The following CTNNA2 variants were observed in gnomAD, a reference collection of about 807,000 sequenced individuals.
CTNNA2 encodes catenin alpha-2.
Under a neutral mutation model 101.0 loss-of-function variants are expected in CTNNA2, and 42 were observed. That is an observed-to-expected ratio of 0.42 (90% CI 0.32 to 0.54). The LOEUF (loss-of-function observed/expected upper bound fraction) is 0.54. Among genes scored for constraint, CTNNA2 ranks in the 20% least tolerant of loss-of-function variants. The pLI, the probability that CTNNA2 is intolerant of heterozygous loss-of-function variation, is 0.14. For synonymous variants in CTNNA2, 450 were observed against 456.4 expected, an observed-to-expected ratio of 0.99 and a Z score of 0.18; for missense variants, 871 against 1,223.1, an observed-to-expected ratio of 0.71 and a Z score of 4.29.
chr2:79,732,380 A>G (rs1273825261), intron 2 of CTNNA2, among the ~76,000 whole-genome samples: 6 of 152,222 alleles, frequency 3.9e-5, no homozygotes, highest in African/African-American at 1.2e-4. Context: ...CTAGCAATTC[A>G]TAGAAAAAAG....
intron 2 of CTNNA2, among the ~76,000 whole-genome samples, chr2:79,269,228 C>A (rs185078473): frequency 6.6e-6 from 1 of 152,168 alleles, no homozygotes; most frequent in East Asian, 1.9e-4. Context: ...TGCAGTGATC[C>A]CACAGCAAAG....
intron 2 of CTNNA2, among the ~76,000 whole-genome samples, chr2:79,704,785 T>G (rs1685246554): frequency 6.6e-6 from 1 of 152,144 alleles, no homozygotes; most frequent in Non-Finnish European, 1.5e-5. Context: ...AGTGTTCACT[T>G]GTGCTTCTTT....
intron 4 of CTNNA2, among the ~76,000 whole-genome samples, chr2:79,858,749 C>T (rs1681345985): frequency 6.6e-6 from 1 of 152,150 alleles, no homozygotes. Context: ...TCTAACATAC[C>T]TGGATTGGTT....
At chr2:79,488,087 A>G (rs192715099) in intron 4 of CTNNA2, among the ~76,000 whole-genome samples, 338 of 152,110 alleles carry the variant, frequency 2.2e-3, no homozygotes, top group African/African-American at 7.6e-3. Context: ...AGGCCCAGCA[A>G]TCCCAGCACT....
At chr2:79,792,916 AG>A (rs1410510620) in intron 3 of CTNNA2, among the ~76,000 whole-genome samples, 1 of 152,232 alleles carries the variant, frequency 6.6e-6, no homozygotes, top group Non-Finnish European at 1.5e-5. Context: ...TAATTTTATA[AG>A]TCATTTATTA....
At chr2:79,925,097 T>G (rs902287565) in intron 7 of CTNNA2, among the ~76,000 whole-genome samples, 3 of 152,072 alleles carry the variant, frequency 2.0e-5, no homozygotes, top group Admixed American at 2.0e-4. Flanking sequence ...ATTTTAAGTA[T>G]CTCTCCCAGT....
chr2:79,896,879 C>T (rs1048196386), intron 6 of CTNNA2, among the ~76,000 whole-genome samples: 4 of 152,124 alleles, frequency 2.6e-5, no homozygotes, highest in Non-Finnish European at 2.9e-5. Context: ...ATTAATAACA[C>T]GGTTACACAT....
chr2:79,863,370 G>C (rs1244519459), intron 4 of CTNNA2, among the ~76,000 whole-genome samples: 1 of 152,172 alleles, frequency 6.6e-6, no homozygotes, highest in African/African-American at 2.4e-5. Flanking sequence ...ATGTGGTTGG[G>C]AGAGGGAGGT....
intron 7 of CTNNA2, among the ~76,000 whole-genome samples, chr2:80,205,316 A>T (rs1052158345): frequency 2.0e-5 from 3 of 152,216 alleles, no homozygotes; most frequent in Non-Finnish European, 2.9e-5. Flanking sequence ...GAAACAGTTG[A>T]ACAAAAAACC....
At chr2:79,982,402 AACATATAAC>A (rs1458204027) in intron 7 of CTNNA2, among the ~76,000 whole-genome samples, 170 of 142,686 alleles carry the variant, frequency 1.2e-3, no homozygotes, top group Non-Finnish European at 1.8e-3. Context: ...TAACATATAT[AACATATAAC>A]ACATATATAA....
intron 14 of CTNNA2, among the ~76,000 whole-genome samples, chr2:80,584,813 G>A (rs1343229276): frequency 6.6e-6 from 1 of 152,132 alleles, no homozygotes; most frequent in Non-Finnish European, 1.5e-5. Flanking sequence ...TGGTGGTAAT[G>A]GTGATGATGC....
rs373092255 is a variant in CTNNA2 at position 79,994,945 on chromosome 2, C to T, written c.1056+85148C>T. Among the ~76,000 whole-genome samples, 17 of 152,246 alleles carry T rather than the reference C, an allele frequency of 1.1e-4. No individual in the cohort carries two copies. In the East Asian group the frequency reaches 2.7e-3, roughly 24 times the overall value. ...TCAAGCCACTGACTGACAGGAGCCT[C>T]CTCATTGATTCTGGTATTAATCCTC... is the stretch of plus-strand genomic sequence containing the variant. On this transcript the variant is annotated intron_variant, in intron 7 of 18. Transcript: ENST00000402739.
At chr2:79,387,113 C>A (rs1275338079) in intron 4 of CTNNA2, among the ~76,000 whole-genome samples, 1 of 152,120 alleles carries the variant, frequency 6.6e-6, no homozygotes, top group Non-Finnish European at 1.5e-5. Flanking sequence ...ATCAGGCTGA[C>A]CTTTCTGTCT....
At position 80,435,946 on chromosome 2, in the gene CTNNA2, A is replaced by T. The variant is rs149288438; in HGVS notation, c.1290+16345A>T. On this transcript the variant is annotated intron_variant, in intron 9 of 18. Transcript: ENST00000402739. ...GAGCCTTAACTCCTGCAATACATTG[A>T]GCCAGGAATTTCTCTCCCAATTCTC... Among the ~76,000 whole-genome samples, 39 of 152,294 alleles carry T rather than the reference A, an allele frequency of 2.6e-4. 1 individual carries two copies. The highest frequency in any genetic ancestry group is 9.4e-4 in the African/African-American group (39 of 41,568).
At chr2:79,406,547 T>TGCATA (rs1165378261) in intron 4 of CTNNA2, among the ~76,000 whole-genome samples, 1 of 152,030 alleles carries the variant, frequency 6.6e-6, no homozygotes, top group Non-Finnish European at 1.5e-5. Flanking sequence ...ATCCTACTGG[T>TGCATA]GCATAGTCTT....
At chr2:79,704,329 C>T (rs540053176) in intron 2 of CTNNA2, among the ~76,000 whole-genome samples, 2 of 152,104 alleles carry the variant, frequency 1.3e-5, no homozygotes, top group Admixed American at 1.3e-4. Flanking sequence ...AGAGGATTCC[C>T]TTCTGTGGGT....
At chr2:79,685,623 GTCT>G (rs1683880436) in intron 2 of CTNNA2, among the ~76,000 whole-genome samples, 1 of 152,154 alleles carries the variant, frequency 6.6e-6, no homozygotes, top group Non-Finnish European at 1.5e-5. Context: ...TTGTACACAA[GTCT>G]TCTGCTCACA....
intron 7 of CTNNA2, among the ~76,000 whole-genome samples, chr2:80,142,649 C>T (rs62140129): frequency 6.6e-6 from 1 of 152,112 alleles, no homozygotes; most frequent in African/African-American, 2.4e-5. Context: ...TGAGGCCATA[C>T]AAGCTTGTCC....
intron 1 of CTNNA2, among the ~76,000 whole-genome samples, chr2:79,549,922 G>A (rs1169031789): frequency 6.6e-6 from 1 of 152,144 alleles, no homozygotes; most frequent in Non-Finnish European, 1.5e-5. Context: ...CAAACCGAGA[G>A]TTCTGCTATT....
Sources: gnomAD v4.1 joint callset for allele counts (sites outside exome capture counted in the v4.1 genomes callset) on GRCh38, gnomAD v4.1.1 for gene constraint, MANE v1.5 for transcripts, NCBI Gene and HGNC (gene_info 2026-07-23, HGNC 2026-07-21) for gene names.